Variants in CTNND2 observed in about 807,000 individuals in gnomAD.
CTNND2 encodes the protein catenin delta 2, also known as catenin delta-2.
A neutral mutation model predicts 144.4 loss-of-function variants in CTNND2; 22 were observed. That is an observed-to-expected ratio of 0.15 (90% CI 0.11 to 0.22). The LOEUF (loss-of-function observed/expected upper bound fraction) is 0.22, where lower values mean the gene tolerates loss of function less well. Ranked by LOEUF, CTNND2 falls within the 10% of genes least tolerant of loss-of-function variation. The pLI is 1.00. For missense variants in CTNND2, 1,353 were observed against 1,618.8 expected, an observed-to-expected ratio of 0.84 and a Z score of 2.82; for synonymous variants, 751 against 695.6, an observed-to-expected ratio of 1.08 and a Z score of -1.25.
intron 2 of CTNND2, among the ~76,000 whole-genome samples, chr5:11,636,353 T>C (rs1461861912): frequency 1.3e-5 from 2 of 152,164 alleles, no homozygotes; most frequent in Non-Finnish European, 2.9e-5. Flanking sequence ...AAAATATCTA[T>C]TAAAGTAAGA....
intron 2 of CTNND2, among the ~76,000 whole-genome samples, chr5:11,581,261 T>C (rs1778406988): frequency 6.6e-6 from 1 of 152,188 alleles, no homozygotes; most frequent in East Asian, 1.9e-4. Context: ...TTTATTTTTT[T>C]ATCTTATATT....
chr5:11,117,330 G>A, intron 13 of CTNND2, 120 bp downstream of exon 13: 1 of 755,320 alleles, frequency 1.3e-6, no homozygotes, highest in Non-Finnish European at 2.3e-6. Flanking sequence ...AGGAAACCAG[G>A]AGAGAGTTCA....
chr5:11,586,443 C>T (rs1438430426), intron 2 of CTNND2, among the ~76,000 whole-genome samples: 7 of 152,132 alleles, frequency 4.6e-5, no homozygotes, highest in African/African-American at 1.7e-4. Context: ...ATTTCGAATG[C>T]AAAATATAAG....
intron 16 of CTNND2, among the ~76,000 whole-genome samples, chr5:11,072,798 G>A (rs751710907): frequency 1.1e-4 from 17 of 152,200 alleles, no homozygotes; most frequent in Non-Finnish European, 1.6e-4. Context: ...GGACACTGGC[G>A]GGGCTGCATC....
chr5:11,799,656 T>C (rs1233569221), intron 1 of CTNND2, among the ~76,000 whole-genome samples: 1 of 152,194 alleles, frequency 6.6e-6, no homozygotes, highest in Non-Finnish European at 1.5e-5. Context: ...CCTTGCTCTG[T>C]CCATATCGCT....
chr5:11,117,200 C>T (rs1218709748), intron 13 of CTNND2, among the ~76,000 whole-genome samples: 1 of 151,688 alleles, frequency 6.6e-6, no homozygotes, highest in Non-Finnish European at 1.5e-5. Context: ...ACTGGAACAC[C>T]TGTGGTTTGA....
At chr5:11,288,039 AT>A (rs1747930963) in intron 9 of CTNND2, among the ~76,000 whole-genome samples, 1 of 152,226 alleles carries the variant, frequency 6.6e-6, no homozygotes, top group African/African-American at 2.4e-5. Context: ...TTTCTGGACC[AT>A]GTCAGACATC....
chr5:11,543,623 T>C lies in CTNND2; in HGVS notation c.287+21321A>G, dbSNP rs559436296. On this transcript the variant is annotated intron_variant, in intron 3 of 21. Coordinates refer to ENST00000304623, the MANE Select transcript of CTNND2 (RefSeq NM_001332.4). ...AATTGCATGGCATATACATTATATA[T>C]CAGTAACGCTGTTTTTTTTTTTTTT... is the stretch of plus-strand genomic sequence containing the variant. 2.1e-4 allele frequency among the ~76,000 whole-genome samples: 24 copies of C among 114,334 alleles called. No individual in the cohort carries two copies. The South Asian group carries it at 4.8e-3, about 23-fold the overall frequency. The allele number at this position is 114,334 out of a possible 152,430, so 75.0% of individuals were successfully genotyped here.
At chr5:11,433,441 C>A (rs1476736689) in intron 3 of CTNND2, among the ~76,000 whole-genome samples, 1 of 152,046 alleles carries the variant, frequency 6.6e-6, no homozygotes, top group Non-Finnish European at 1.5e-5. Context: ...GCTATTCTTG[C>A]ACTGTTAAAA....
At chr5:11,248,815 C>T (rs1157649945) in intron 9 of CTNND2, among the ~76,000 whole-genome samples, 1 of 152,200 alleles carries the variant, frequency 6.6e-6, no homozygotes, top group Non-Finnish European at 1.5e-5. Flanking sequence ...TGAACACATA[C>T]TTTGGGGCTG....
intron 8 of CTNND2, among the ~76,000 whole-genome samples, chr5:11,358,713 C>A (rs1440873372): frequency 6.6e-6 from 1 of 152,182 alleles, no homozygotes; most frequent in Non-Finnish European, 1.5e-5. Context: ...CTTCATTAAA[C>A]ACTGGCTATT....
chr5:11,430,281 T>TG (rs1451322853), intron 3 of CTNND2, among the ~76,000 whole-genome samples: 1 of 150,408 alleles, frequency 6.6e-6, no homozygotes, highest in African/African-American at 2.4e-5. Context: ...GGAGTTTTTT[T>TG]TTTCCTTTTT....
At chr5:11,520,040 G>A (rs562951101) in intron 3 of CTNND2, among the ~76,000 whole-genome samples, 9 of 150,940 alleles carry the variant, frequency 6.0e-5, no homozygotes, top group Middle Eastern at 3.4e-3. Flanking sequence ...CTAGCTACTC[G>A]GGAGGCTGAG....
chr5:11,889,567 C>A (rs1018466130), intron 1 of CTNND2, among the ~76,000 whole-genome samples: 2 of 152,170 alleles, frequency 1.3e-5, no homozygotes, highest in African/African-American at 4.8e-5. Context: ...ATTTCAAAGA[C>A]ATAATTCACT....
chr5:11,337,819 T>C (rs1753877689), intron 9 of CTNND2, among the ~76,000 whole-genome samples: 1 of 152,208 alleles, frequency 6.6e-6, no homozygotes, highest in African/African-American at 2.4e-5. Context: ...ATACCCTTGA[T>C]ACTGGACATT....
chr5:11,515,327 T>C (rs1218391464), intron 3 of CTNND2, among the ~76,000 whole-genome samples: 3 of 152,198 alleles, frequency 2.0e-5, no homozygotes, highest in Non-Finnish European at 4.4e-5. Context: ...TACTATCCTC[T>C]TTCTGCTGAC....
chr5:11,896,604 T>C (rs1737413235), intron 1 of CTNND2, among the ~76,000 whole-genome samples: 1 of 152,144 alleles, frequency 6.6e-6, no homozygotes, highest in Non-Finnish European at 1.5e-5. Flanking sequence ...TTTTCAAGAA[T>C]GGAAAGGCAT....
intron 2 of CTNND2, among the ~76,000 whole-genome samples, chr5:11,668,767 G>C (rs1355449701): frequency 6.6e-6 from 1 of 151,932 alleles, no homozygotes; most frequent in Non-Finnish European, 1.5e-5. Context: ...TATTTGTGTT[G>C]CCTGACTGCC....
At chr5:11,138,881 G>C (rs1022698627) in intron 12 of CTNND2, among the ~76,000 whole-genome samples, 2 of 152,172 alleles carry the variant, frequency 1.3e-5, no homozygotes, top group Admixed American at 6.5e-5. Context: ...GTTCCTTCCT[G>C]CATGTCCATG....
Sources: gnomAD v4.1 joint callset for allele counts (sites outside exome capture counted in the v4.1 genomes callset) on GRCh38, gnomAD v4.1.1 for gene constraint, MANE v1.5 for transcripts, NCBI Gene and HGNC (gene_info 2026-07-23, HGNC 2026-07-21) for gene names.